CSGALNACT1: variants seen among roughly 807,000 people sequenced by gnomAD.
CSGALNACT1 encodes the protein beta4GalNAcT-1.
In CSGALNACT1, 52 loss-of-function variants were observed where a neutral mutation model predicts 51.0. The ratio of observed to expected loss-of-function variants is 1.02; its 90% CI spans 0.82 to 1.29. The LOEUF (loss-of-function observed/expected upper bound fraction) is 1.29, where lower values mean the gene tolerates loss of function less well. Ranked by LOEUF, CSGALNACT1 falls within the 50% of genes most tolerant of loss-of-function variation. The pLI is 0.00. For synonymous variants in CSGALNACT1, 341 were observed against 254.4 expected, an observed-to-expected ratio of 1.34 and a Z score of -3.24; for missense variants, 935 against 679.2, an observed-to-expected ratio of 1.38 and a Z score of -4.19.
chr8:19,723,284 T>A (rs903128134), intron 1 of CSGALNACT1, among the ~76,000 whole-genome samples: 4 of 152,208 alleles, frequency 2.6e-5, no homozygotes, highest in African/African-American at 9.7e-5. Flanking sequence ...ATATCATATG[T>A]GTGTGTTTAA....
rs563018208 is a variant in CSGALNACT1 at position 19,747,370 on chromosome 8, A to C, written c.-297+10480T>G. On this transcript the variant is annotated intron_variant, in intron 1 of 1. Transcript: ENST00000517494. Reference sequence around the variant, plus strand: ...GCGTTCCCTGAGGCCTCTGTTATCCACACTAATAATGCCCCAAGCACTGGT... The same window carrying C: ...GCGTTCCCTGAGGCCTCTGTTATCCCCACTAATAATGCCCCAAGCACTGGT... 4.6e-5 allele frequency among the ~76,000 whole-genome samples: 7 copies of C among 152,300 alleles called. No homozygotes were observed. In the South Asian group the frequency reaches 1.4e-3, roughly 32 times the overall value.
chr8:19,475,971 T>C (rs559704060), intron 4 of CSGALNACT1, among the ~76,000 whole-genome samples: 1 of 152,296 alleles, frequency 6.6e-6, no homozygotes, highest in East Asian at 1.9e-4. Flanking sequence ...GAAACATGAC[T>C]TGCCATGTCC....
At chr8:19,706,624 AT>A (rs1358639139) in intron 1 of CSGALNACT1, among the ~76,000 whole-genome samples, 1 of 152,136 alleles carries the variant, frequency 6.6e-6, no homozygotes, top group Non-Finnish European at 1.5e-5. Flanking sequence ...GCAATAATAA[AT>A]GTTGGCAGTG....
intron 3 of CSGALNACT1, among the ~76,000 whole-genome samples, chr8:19,579,798 A>C (rs760740170): frequency 2.0e-5 from 3 of 152,252 alleles, no homozygotes; most frequent in Non-Finnish European, 4.4e-5. Flanking sequence ...AATAGATAAT[A>C]CTACCATATG....
intron 4 of CSGALNACT1, among the ~76,000 whole-genome samples, chr8:19,475,845 G>C (rs1368881108): frequency 6.6e-6 from 1 of 152,276 alleles, no homozygotes; most frequent in African/African-American, 2.4e-5. Flanking sequence ...AGACAGCCTG[G>C]CACGTGAGAA....
intron 5 of CSGALNACT1, among the ~76,000 whole-genome samples, chr8:19,441,970 A>C (rs4921644): frequency 0.59 from 89,209 of 152,074 alleles, 26,902 homozygotes; most frequent in East Asian, 0.84. Flanking sequence ...TGAAAAAATG[A>C]TCATCATCCC....
At chr8:19,628,518 A>G (rs2054753786) in intron 1 of CSGALNACT1, among the ~76,000 whole-genome samples, 1 of 152,234 alleles carries the variant, frequency 6.6e-6, no homozygotes, top group African/African-American at 2.4e-5. Context: ...AACAGTGTTC[A>G]CTGCATTTTA....
chr8:19,641,860 C>A (rs531437636), intron 1 of CSGALNACT1: 2 of 152,148 alleles, frequency 1.3e-5, no homozygotes, highest in Admixed American at 1.3e-4. Flanking sequence ...TTTTTTTCTG[C>A]GAAGGGACAG....
At chr8:19,517,162 G>C (rs1028671948) in intron 3 of CSGALNACT1, among the ~76,000 whole-genome samples, 13 of 152,230 alleles carry the variant, frequency 8.5e-5, no homozygotes, top group African/African-American at 2.2e-4. Flanking sequence ...AGAGGGCCAG[G>C]CATGGTGACT....
At chr8:19,754,277 C>T (rs2065223255) in intron 1 of CSGALNACT1, among the ~76,000 whole-genome samples, 1 of 152,188 alleles carries the variant, frequency 6.6e-6, no homozygotes, top group African/African-American at 2.4e-5. Flanking sequence ...ATCTGCCTGC[C>T]TCAGCCTCCC....
intron 1 of CSGALNACT1, among the ~76,000 whole-genome samples, chr8:19,672,258 T>C (rs184007543): frequency 1.7e-3 from 261 of 152,322 alleles, no homozygotes; most frequent in Admixed American, 2.9e-3. Flanking sequence ...AAATACTCTA[T>C]GTATCAGAGG....
chr8:19,443,514 GA>G (rs773055041), intron 5 of CSGALNACT1, among the ~76,000 whole-genome samples: 4 of 152,152 alleles, frequency 2.6e-5, no homozygotes, highest in Non-Finnish European at 5.9e-5. Flanking sequence ...AATCATGGCA[GA>G]AGGCAAAGGA....
chr8:19,578,384 G>C lies in CSGALNACT1; in HGVS notation c.-297+12776C>G, dbSNP rs190265874. ...ACATCCTTCCTGTACTTAGGAATCAGCCACCTGTGATCCTGCTGCCTGGAG... is the reference window on the plus strand; with the variant it reads ...ACATCCTTCCTGTACTTAGGAATCACCCACCTGTGATCCTGCTGCCTGGAG... On this transcript the variant is annotated intron_variant, in intron 3 of 9. Coordinates refer to ENST00000454498, the Ensembl canonical transcript of CSGALNACT1. Among the ~76,000 whole-genome samples, 52 of 152,264 alleles carry C rather than the reference G, an allele frequency of 3.4e-4. 1 individual carries two copies. The highest frequency in any genetic ancestry group is 1.2e-3 in the African/African-American group (48 of 41,534).
intron 1 of CSGALNACT1, among the ~76,000 whole-genome samples, chr8:19,750,865 A>T (rs565302779): frequency 6.6e-6 from 1 of 152,112 alleles, no homozygotes; most frequent in Non-Finnish European, 1.5e-5. Flanking sequence ...ACTCGATCTT[A>T]TTCATACTTT....
chr8:19,748,644 A>T (rs2064837951), intron 1 of CSGALNACT1, among the ~76,000 whole-genome samples: 1 of 152,154 alleles, frequency 6.6e-6, no homozygotes, highest in South Asian at 2.1e-4. Flanking sequence ...TGATTATTCC[A>T]TTTTATGGAT....
intron 3 of CSGALNACT1, among the ~76,000 whole-genome samples, chr8:19,588,934 G>C (rs1431000977): frequency 6.6e-6 from 1 of 152,152 alleles, no homozygotes; most frequent in African/African-American, 2.4e-5. Flanking sequence ...GTAGTTGAGG[G>C]GTGTTTGAAA....
chr8:19,488,090 C>T (rs1044905691), intron 4 of CSGALNACT1, among the ~76,000 whole-genome samples: 12 of 152,014 alleles, frequency 7.9e-5, no homozygotes, highest in Non-Finnish European at 1.5e-4. Flanking sequence ...TGGCTCATGC[C>T]TGTAATCCCA....
Position 19,645,477 on chromosome 8 carries a change from C to T in CSGALNACT1, c.-544+36996G>A, listed in dbSNP as rs367875880. On this transcript the variant is annotated intron_variant, in intron 1 of 9. Coordinates refer to the CSGALNACT1 transcript ENST00000332246. The stretch of plus-strand genomic sequence containing the variant: ...AGGAGGTAGAATCCCAGTGCAGCCA[C>T]TTACAAGCTGTGTGCTCCTTGGCAA... Among the ~76,000 whole-genome samples, 192 of 152,354 alleles carry T rather than the reference C, an allele frequency of 1.3e-3. 1 individual carries two copies. The highest frequency in any genetic ancestry group is 4.5e-3 in the African/African-American group (186 of 41,576).
chr8:19,709,337 G>C (rs2062365427), intron 1 of CSGALNACT1, among the ~76,000 whole-genome samples: 1 of 152,200 alleles, frequency 6.6e-6, no homozygotes, highest in Non-Finnish European at 1.5e-5. Flanking sequence ...CACTGTCGTA[G>C]GCATCAGGCC....
Sources: gnomAD v4.1 joint callset for allele counts (sites outside exome capture counted in the v4.1 genomes callset) on GRCh38, gnomAD v4.1.1 for gene constraint, MANE v1.5 for transcripts, NCBI Gene and HGNC (gene_info 2026-07-23, HGNC 2026-07-21) for gene names.